C3: variants seen among roughly 807,000 people sequenced by gnomAD.
C3 encodes the protein complement C3, also known as C3 and PZP-like alpha-2-macroglobulin domain-containing protein 1.
Under a neutral mutation model 207.9 loss-of-function variants are expected in C3, and 97 were observed. The observed-to-expected ratio is 0.47, with a 90% CI of 0.40 to 0.55. The LOEUF (loss-of-function observed/expected upper bound fraction) is 0.55, where lower values mean the gene tolerates loss of function less well. Among genes scored for constraint, C3 ranks in the 20% least tolerant of loss-of-function variants. C3 has a pLI of 0.00. For missense variants in C3, 1,684 were observed against 2,171.7 expected (o/e 0.78, Z 4.46); for synonymous variants, 848 against 857.6 (o/e 0.99, Z 0.20).
At chr19:6,680,006 G>A in intron 36 of C3, 152 bp downstream of exon 36, 1 of 675,438 alleles carries the variant, frequency 1.5e-6, no homozygotes, top group Non-Finnish European at 2.8e-6. Context: ...ATAGATCCTT[G>A]GGACCCTCAG....
intron 14 of C3, among the ~76,000 whole-genome samples, chr19:6,708,580 T>C (rs59703906): frequency 0.034 from 5,163 of 149,874 alleles, 331 homozygotes; most frequent in African/African-American, 0.12. Flanking sequence ...TCCTTCCTTC[T>C]TTCCTTCCTT....
chr19:6,679,029 G>T, intron 38 of C3, 96 bp downstream of exon 38: 1 of 932,722 alleles, frequency 1.1e-6, no homozygotes, highest in Non-Finnish European at 1.8e-6. Context: ...CACACCCACA[G>T]CCTGAAGCCA....
At chr19:6,693,584 C>A (rs1384677210) in intron 24 of C3, 97 bp from the exon 25 acceptor site, 5 of 1,062,642 alleles carry the variant, frequency 4.7e-6, no homozygotes. Context: ...GGGACAGGGG[C>A]TCAGGGTGGC....
At chr19:6,701,993 A>C in intron 19 of C3, 134 bp downstream of exon 19, 1 of 699,630 alleles carries the variant, frequency 1.4e-6, no homozygotes, top group South Asian at 1.5e-5. Context: ...CCTGGTAACA[A>C]CACCTCTGTG....
In C3 at chr19:6,690,628, C is replaced by T. The variant is rs113600381; in HGVS notation, c.3489+1G>A. 6.2e-7 allele frequency: 1 copy of T among 1,613,266 alleles called. No individual in the cohort carries two copies. Among genetic ancestry groups the T allele is most frequent in the Non-Finnish European group, 8.5e-7 (1 of 1,179,142 alleles). ...AGGGTGGGAAGATGGAGGGCACTTA[C>T]GTTGACCTGCTCCTCGCAAATATCT... On this transcript the variant is annotated splice_donor_variant, in intron 27 of 40. Transcript: ENST00000245907. LOFTEE classifies it high-confidence loss of function.
At chr19:6,708,866 T>C (rs1967845684) in intron 14 of C3, among the ~76,000 whole-genome samples, 1 of 151,966 alleles carries the variant, frequency 6.6e-6, no homozygotes, top group Non-Finnish European at 1.5e-5. Context: ...TAAAATTTTT[T>C]CTGTAGAGAT....
At chr19:6,685,851 G>C (rs1053902139) in intron 29 of C3, among the ~76,000 whole-genome samples, 3 of 152,190 alleles carry the variant, frequency 2.0e-5, no homozygotes, top group Admixed American at 6.5e-5. Context: ...GGTGGAGAGA[G>C]AGGCTTAGAC....
In C3 at chr19:6,696,460, C is replaced by G. The variant is rs375348178; in HGVS notation, c.2869G>C (p.Val957Leu). The G allele has an allele frequency of 8.7e-6, 14 of 1,612,632 alleles. No individual in the cohort carries two copies. Among genetic ancestry groups the G allele is most frequent in the Non-Finnish European group, 8.5e-6 (10 of 1,178,860 alleles). ...LDPERLGREG[V>L]QKEDIPPADL... ...GCAGGTGGGATGTCCTCTTTCTGCA[C>G]TCCTTCTGCAGGGTGAGTGAGAGAT... is the stretch of plus-strand genomic sequence containing the variant. Residue 957 changes from valine to leucine, a missense_variant, in exon 23 of 41, where the codon GTG becomes CTG. Val to Leu is a conservative substitution (Grantham distance 32). Coordinates refer to ENST00000245907, the MANE Select transcript of C3 (RefSeq NM_000064.4).
At chr19:6,718,516 T>C (rs1968092259) in intron 2 of C3, 104 bp from the exon 3 acceptor site, 3 of 1,427,948 alleles carry the variant, frequency 2.1e-6, no homozygotes, top group Non-Finnish European at 2.0e-6. Flanking sequence ...CCCATTATTC[T>C]TGGTCTTCCG....
chr19:6,708,475 T>G (rs1249782405), intron 14 of C3, among the ~76,000 whole-genome samples: 1 of 151,574 alleles, frequency 6.6e-6, no homozygotes, highest in Middle Eastern at 3.4e-3. Flanking sequence ...TCTGTCTTCT[T>G]TCTTTCCCTT....
chr19:6,686,494 G>C, intron 28 of C3: 1 of 707,084 alleles, frequency 1.4e-6, no homozygotes, highest in East Asian at 2.5e-5. Context: ...TGCTTAATAC[G>C]CATTTGTTGA....
intron 13 of C3, 28 bp from the exon 14 acceptor site, chr19:6,709,870 A>C (rs752371983): frequency 4.3e-6 from 7 of 1,611,024 alleles, no homozygotes; most frequent in Middle Eastern, 1.7e-4. Flanking sequence ...ACGCCGAAAG[A>C]AGTCAGCCCT....
chr19:6,702,842 T>C lies in C3; in HGVS notation c.2246-263A>G, dbSNP rs148119383. ...TGAGGTCAGGACTTTGAGACCAGCC[T>C]GGACAACATGGTGAAACCCCATCTC... On this transcript the variant is annotated intron_variant, in intron 17 of 40. Coordinates refer to ENST00000245907, the MANE Select transcript of C3 (RefSeq NM_000064.4). 3,282 of 400,160 alleles carry C rather than the reference T, an allele frequency of 8.2e-3. 73 individuals are homozygous for C. Among genetic ancestry groups the C allele is most frequent in the African/African-American group, 0.062 (3,010 of 48,406 alleles). 24.8% of individuals were successfully genotyped at this position (400,160 alleles called of 1,614,324 possible).
At chr19:6,704,297 T>A (rs1031158897) in intron 17 of C3, among the ~76,000 whole-genome samples, 4 of 151,996 alleles carry the variant, frequency 2.6e-5, no homozygotes, top group African/African-American at 9.7e-5. Context: ...TAAATAAATA[T>A]ATAAATAAAC....
chr19:6,709,918 C>A, intron 13 of C3, 76 bp from the exon 14 acceptor site: 1 of 1,285,322 alleles, frequency 7.8e-7, no homozygotes, highest in South Asian at 1.2e-5. Flanking sequence ...GGGTGCTGGG[C>A]TAGAGTGGAA....
intron 33 of C3, 110 bp downstream of exon 33, chr19:6,684,278 A>G: frequency 1.1e-6 from 1 of 877,994 alleles, no homozygotes; most frequent in Non-Finnish European, 2.0e-6. Flanking sequence ...GAACAGTATC[A>G]GATACACAGT....
intron 9 of C3, among the ~76,000 whole-genome samples, chr19:6,712,934 A>G (rs1352092893): frequency 1.4e-5 from 2 of 141,954 alleles, no homozygotes; most frequent in African/African-American, 5.4e-5. Flanking sequence ...ATCAGACTGG[A>G]CACAGACTTC....
intron 19 of C3, among the ~76,000 whole-genome samples, chr19:6,701,474 C>T (rs974705811): frequency 2.6e-5 from 4 of 152,138 alleles, no homozygotes; most frequent in South Asian, 2.1e-4. Context: ...GCTGCTGGCT[C>T]GTTCTGTTGA....
At chr19:6,703,106 T>G (rs1967708717) in intron 17 of C3, among the ~76,000 whole-genome samples, 1 of 152,100 alleles carries the variant, frequency 6.6e-6, no homozygotes, top group Non-Finnish European at 1.5e-5. Context: ...AGATCCTACC[T>G]CTGCCCAGGA....
Sources: allele counts gnomAD v4.1 joint callset (sites outside exome capture counted in the v4.1 genomes callset), GRCh38; gene constraint gnomAD v4.1.1; transcripts MANE v1.5; gene names NCBI Gene and HGNC (gene_info 2026-07-23, HGNC 2026-07-21).